CNEP1R1: variants seen among roughly 807,000 people sequenced by gnomAD.
CNEP1R1 encodes CTD nuclear envelope phosphatase 1 regulatory subunit 1.
Under a neutral mutation model 22.7 loss-of-function variants are expected in CNEP1R1, and 10 were observed. The observed-to-expected ratio is 0.44, with a 90% CI of 0.27 to 0.75. The LOEUF is 0.75. Ranked by LOEUF, CNEP1R1 falls within the 30% of genes least tolerant of loss-of-function variation. CNEP1R1 has a pLI of 0.17. For synonymous variants in CNEP1R1, 53 were observed against 50.1 expected (o/e 1.06, Z -0.25); for missense variants, 73 against 151.5 (o/e 0.48, Z 2.72).
rs190443682 is a variant in CNEP1R1 at position 50,026,512 on chromosome 16, C to T, written c.97+45C>T. 2.1e-4 allele frequency: 286 copies of T among 1,332,730 alleles called. 1 individual carries two copies. The African/African-American group carries it at 3.7e-3, about 17-fold the overall frequency. The allele number at this position is 1,332,730 out of a possible 1,614,324, so 82.6% of individuals were successfully genotyped here. The stretch of plus-strand genomic sequence containing the variant: ...TTTAAGGGAAAACTAACAATTGATA[C>T]TTTTATCCTAATATAGGAATGATTT... On this transcript the variant is annotated intron_variant, in intron 2 of 5. Coordinates refer to ENST00000427478, the MANE Select transcript of CNEP1R1 (RefSeq NM_001281789.2).
intron 3 of CNEP1R1, 58 bp downstream of exon 3, chr16:50,029,856 T>C: frequency 1.0e-6 from 1 of 994,688 alleles, no homozygotes; most frequent in South Asian, 1.3e-5. Context: ...GATATTGTAG[T>C]GCTTTGTTAA....
rs757697295 is a variant in CNEP1R1, at chr16:50,026,387, T to C, written c.26-9T>C. 1 of 1,595,760 alleles carries C rather than the reference T, an allele frequency of 6.3e-7. No individual in the cohort carries two copies. Among genetic ancestry groups the C allele is most frequent in the Admixed American group, 1.7e-5 (1 of 58,360 alleles). On this transcript the variant is annotated splice_polypyrimidine_tract_variant and intron_variant, in intron 1 of 5. Transcript: ENST00000427478. ...TGGCTAATTAGAAAATTGACATCTT[T>C]ATACCTAGATCTCAAGGCTTTTGAG...
In CNEP1R1 at chr16:50,035,335, T is replaced by C. The variant is rs377209275; in HGVS notation, c.337-82T>C. On this transcript the variant is annotated intron_variant, in intron 5 of 5. Coordinates refer to ENST00000427478, the MANE Select transcript of CNEP1R1 (RefSeq NM_001281789.2). ...GAGAAGCGTTCTTATTCCTTGCACA[T>C]ACCCTTTAAGGTTTATAAATAAGCA... 1.4e-4 allele frequency: 110 copies of C among 782,468 alleles called. No homozygotes were observed. In the East Asian group the frequency reaches 2.8e-3, roughly 20 times the overall value. 48.5% of individuals were successfully genotyped at this position (782,468 alleles called of 1,614,324 possible). A position where few individuals can be genotyped will look rare whatever the true frequency, so the allele number is the denominator to read the frequency against.
intron 2 of CNEP1R1, among the ~76,000 whole-genome samples, chr16:50,028,084 A>C (rs1203772963): frequency 6.6e-6 from 1 of 152,024 alleles, no homozygotes; most frequent in Non-Finnish European, 1.5e-5. Flanking sequence ...CATCCTCCCT[A>C]GTAGCTGAGA....
intron 3 of CNEP1R1, among the ~76,000 whole-genome samples, chr16:50,030,363 G>A (rs1270559595): frequency 6.6e-6 from 1 of 152,178 alleles, no homozygotes; most frequent in Admixed American, 6.5e-5. Flanking sequence ...GAGCTCAGGA[G>A]ATCGAGGCTG....
rs1416018746 is a variant in CNEP1R1 at position 50,025,262 on chromosome 16, G to A, written c.-54G>A. 6.5e-6 allele frequency: 9 copies of A among 1,384,622 alleles called. No homozygotes were observed. The highest frequency in any genetic ancestry group is 7.4e-6 in the Non-Finnish European group (8 of 1,074,696). 85.8% of individuals were successfully genotyped at this position (1,384,622 alleles called of 1,614,324 possible). On this transcript the variant is annotated 5_prime_UTR_variant, in exon 1 of 6. Transcript: ENST00000427478. ...TGGCGCTGCGGGCCGGGCGGGGGCC[G>A]CGGAAGCTGCGATGCGGACAGGGCA...
rs2036271300 is a variant in CNEP1R1, at chr16:50,035,804, T to A, written c.*346T>A. 1 of 192,914 alleles carries A rather than the reference T, an allele frequency of 5.2e-6. No individual in the cohort carries two copies. Among genetic ancestry groups the A allele is most frequent in the Non-Finnish European group, 1.1e-5 (1 of 94,684 alleles). 12.0% of individuals were successfully genotyped at this position (192,914 alleles called of 1,614,324 possible). A position where few individuals can be genotyped will look rare whatever the true frequency, so the allele number is the denominator to read the frequency against. The stretch of plus-strand genomic sequence containing the variant: ...TTTGCAAACTACTGTAAATAGCAAA[T>A]CAATGCCAATGTTAAACAAAGAGGA... On this transcript the variant is annotated 3_prime_UTR_variant, in exon 6 of 6. Coordinates refer to ENST00000427478, the MANE Select transcript of CNEP1R1 (RefSeq NM_001281789.2).
At chr16:50,025,618 A>G (rs779018802) in intron 1 of CNEP1R1, 1 of 1,595,960 alleles carries the variant, frequency 6.3e-7, no homozygotes, top group South Asian at 1.1e-5. Flanking sequence ...CGTGCATTGC[A>G]GCCTGCTAAT....
intron 2 of CNEP1R1, among the ~76,000 whole-genome samples, chr16:50,028,447 C>G (rs1474007709): frequency 6.6e-6 from 1 of 152,266 alleles, no homozygotes; most frequent in South Asian, 2.1e-4. Flanking sequence ...TTTATTAAAT[C>G]TATTTGCAAA....
At chr16:50,033,834 A>T (rs1428080290) in intron 4 of CNEP1R1, among the ~76,000 whole-genome samples, 3 of 148,464 alleles carry the variant, frequency 2.0e-5, no homozygotes, top group Non-Finnish European at 4.5e-5. Context: ...ACTGCACTCC[A>T]GCCTGGGCGA....
intron 3 of CNEP1R1, among the ~76,000 whole-genome samples, chr16:50,032,564 T>C (rs2036240216): frequency 6.6e-6 from 1 of 152,198 alleles, no homozygotes; most frequent in South Asian, 2.1e-4. Context: ...GAATTGAGTG[T>C]TATGAGGATA....
chr16:50,027,770 G>T (rs975401946), intron 2 of CNEP1R1, among the ~76,000 whole-genome samples: 4 of 151,756 alleles, frequency 2.6e-5, no homozygotes, highest in African/African-American at 9.7e-5. Context: ...AAGCATAATT[G>T]TGCTGCTTTG....
intron 2 of CNEP1R1, 99 bp downstream of exon 2, chr16:50,026,566 T>G: frequency 1.0e-6 from 1 of 978,012 alleles, no homozygotes; most frequent in Non-Finnish European, 1.6e-6. Flanking sequence ...TGTTTAAATT[T>G]ATTTAACATT....
chr16:50,026,973 C>T (rs1010251582), intron 2 of CNEP1R1: 2 of 151,736 alleles, frequency 1.3e-5, no homozygotes, highest in Non-Finnish European at 2.9e-5. Flanking sequence ...AACCCGGTCT[C>T]AATAAATAAA....
chr16:50,030,690 T>C (rs111317030), intron 3 of CNEP1R1, among the ~76,000 whole-genome samples: 94 of 152,350 alleles, frequency 6.2e-4, no homozygotes, highest in African/African-American at 1.9e-3. Flanking sequence ...AGAATTGGAT[T>C]ATAAATTAGT....
At chr16:50,030,103 TGTGA>T (rs1309697364) in intron 3 of CNEP1R1, among the ~76,000 whole-genome samples, 4 of 152,152 alleles carry the variant, frequency 2.6e-5, no homozygotes, top group Admixed American at 6.6e-5. Flanking sequence ...TTTACTTCAG[TGTGA>T]GTATTATCTT....
intron 2 of CNEP1R1, among the ~76,000 whole-genome samples, chr16:50,029,137 C>G (rs183232609): frequency 6.6e-6 from 1 of 152,250 alleles, no homozygotes; most frequent in Non-Finnish European, 1.5e-5. Context: ...TAAAATCATT[C>G]TAGCTTAGTG....
chr16:50,026,356 T>G, intron 1 of CNEP1R1, 40 bp from the exon 2 acceptor site: 1 of 1,418,882 alleles, frequency 7.0e-7, no homozygotes, highest in South Asian at 1.2e-5. Flanking sequence ...GTCAGACGAG[T>G]AAGAGTGGCT....
chr16:50,025,835 C>A, intron 1 of CNEP1R1: 1 of 703,020 alleles, frequency 1.4e-6, no homozygotes, highest in Non-Finnish European at 2.5e-6. Flanking sequence ...ACGAAGATCA[C>A]CTGTACCCCT....
Sources: gnomAD v4.1 joint callset for allele counts (sites outside exome capture counted in the v4.1 genomes callset) on GRCh38, gnomAD v4.1.1 for gene constraint, MANE v1.5 for transcripts, NCBI Gene and HGNC (gene_info 2026-07-23, HGNC 2026-07-21) for gene names.